PRDM16: variants seen among roughly 807,000 people sequenced by gnomAD.
The protein encoded by PRDM16 is PR/SET domain 16.
Under a neutral mutation model 110.6 loss-of-function variants are expected in PRDM16, and 23 were observed. The ratio of observed to expected loss-of-function variants is 0.21; its 90% CI spans 0.15 to 0.29. The LOEUF (loss-of-function observed/expected upper bound fraction) is 0.29. PRDM16 is among the 10% of genes least tolerant of loss of function. The pLI, the probability that PRDM16 is intolerant of heterozygous loss-of-function variation, is 1.00. For missense variants in PRDM16, 1,615 were observed against 1,794.3 expected (o/e 0.90, Z 1.81); for synonymous variants, 799 against 781.8 (o/e 1.02, Z -0.37).
At chr1:3,363,463 C>T (rs534496917) in intron 3 of PRDM16, among the ~76,000 whole-genome samples, 17 of 152,278 alleles carry the variant, frequency 1.1e-4, no homozygotes, top group African/African-American at 2.9e-4. Context: ...CCGGTGAGCA[C>T]GGGGGAGCTG....
intron 12 of PRDM16, among the ~76,000 whole-genome samples, chr1:3,421,082 C>T (rs375520747): frequency 1.3e-4 from 20 of 152,226 alleles, no homozygotes; most frequent in Admixed American, 3.9e-4. Flanking sequence ...GGGGGCTGCA[C>T]GCGGCCCGTG....
At chr1:3,380,958 C>T (rs181020009) in intron 3 of PRDM16, among the ~76,000 whole-genome samples, 6 of 152,288 alleles carry the variant, frequency 3.9e-5, no homozygotes, top group African/African-American at 9.6e-5. Flanking sequence ...CATCAGTGGC[C>T]GGATCACAGG....
intron 6 of PRDM16, among the ~76,000 whole-genome samples, chr1:3,403,402 A>G (rs969379994): frequency 2.0e-5 from 3 of 152,214 alleles, no homozygotes; most frequent in African/African-American, 7.2e-5. Flanking sequence ...AAGGTCCCAG[A>G]CCGGGATGGG....
chr1:3,211,340 G>A (rs1252702611), intron 2 of PRDM16, among the ~76,000 whole-genome samples: 1 of 152,186 alleles, frequency 6.6e-6, no homozygotes, highest in South Asian at 2.1e-4. Flanking sequence ...AGTCATTTCC[G>A]GGCAGCAGTG....
At chr1:3,372,092 A>G (rs1446010846) in intron 3 of PRDM16, among the ~76,000 whole-genome samples, 1 of 152,220 alleles carries the variant, frequency 6.6e-6, no homozygotes, top group Non-Finnish European at 1.5e-5. Context: ...AGAGGGCCTG[A>G]GGGTGACCAG....
In PRDM16 at chr1:3,382,791, C is replaced by T. The variant is rs927006572; in HGVS notation, c.439-2361C>T. Among the ~76,000 whole-genome samples, 5 of 152,208 alleles carry T rather than the reference C, an allele frequency of 3.3e-5. No homozygotes were observed. In the South Asian group the frequency reaches 8.3e-4, roughly 25 times the overall value. On this transcript the variant is annotated intron_variant, in intron 3 of 16. Transcript: ENST00000270722. This position sits in a 1 kb window ranked among gnomAD's most constrained non-coding sequence, Gnocchi z 6.6. ...CCGGGTCCCAGGTGGGAGGGCACGG[C>T]CCGCCCTGGGTGAGCACCAGCCCTC...
At chr1:3,211,162 T>C (rs1222523543) in intron 2 of PRDM16, among the ~76,000 whole-genome samples, 2 of 152,242 alleles carry the variant, frequency 1.3e-5, no homozygotes, top group African/African-American at 4.8e-5. Context: ...AGACATCTGC[T>C]TGTCTGTCTC....
chr1:3,386,317 C>G (rs1643197834), intron 4 of PRDM16, among the ~76,000 whole-genome samples: 1 of 152,196 alleles, frequency 6.6e-6, no homozygotes, highest in Admixed American at 6.5e-5. Flanking sequence ...GTAGCCTGTG[C>G]AAGCCATTGA....
At chr1:3,279,927 T>TCAGCC in intron 3 of PRDM16, among the ~76,000 whole-genome samples, 1 of 138,684 alleles carries the variant, frequency 7.2e-6, no homozygotes, top group African/African-American at 2.7e-5. Flanking sequence ...CCCCATGACG[T>TCAGCC]CAGCCGAGAA....
Position 3,359,108 on chromosome 1 carries a change from C to T in PRDM16, c.439-26044C>T, listed in dbSNP as rs114860370. On this transcript the variant is annotated intron_variant, in intron 3 of 16. Coordinates refer to ENST00000270722, the MANE Select transcript of PRDM16 (RefSeq NM_022114.4). The surrounding 1 kb of genome is among the most constrained non-coding windows in gnomAD (Gnocchi z 4.3). ...AGGCTGGAGTGCAGTGGCTCCATCA[C>T]GGCACACTGCAGCCTCCACCTCCCG... is the stretch of plus-strand genomic sequence containing the variant. Among the ~76,000 whole-genome samples, 1,713 of 152,308 alleles carry T rather than the reference C, an allele frequency of 0.011. 24 individuals are homozygous for T. The highest frequency in any genetic ancestry group is 0.061 in the South Asian group (296 of 4,822).
At chr1:3,335,500 G>A (rs1642125475) in intron 3 of PRDM16, among the ~76,000 whole-genome samples, 1 of 152,076 alleles carries the variant, frequency 6.6e-6, no homozygotes, top group South Asian at 2.1e-4. Context: ...AGGGAGCAGA[G>A]TTTATTTCTT....
chr1:3,323,895 G>C (rs1641823190), intron 3 of PRDM16, among the ~76,000 whole-genome samples: 1 of 152,216 alleles, frequency 6.6e-6, no homozygotes, highest in Non-Finnish European at 1.5e-5. Context: ...CTCTGCACGG[G>C]CCTCATCTCC....
In PRDM16 at chr1:3,382,529, G is replaced by A. The variant is rs1417308792; in HGVS notation, c.439-2623G>A. Among the ~76,000 whole-genome samples, 1 of 152,204 alleles carries A rather than the reference G, an allele frequency of 6.6e-6. No individual in the cohort carries two copies. Among genetic ancestry groups the A allele is most frequent in the Admixed American group, 6.5e-5 (1 of 15,286 alleles). On this transcript the variant is annotated intron_variant, in intron 3 of 16. Transcript: ENST00000270722. This position sits in a 1 kb window ranked among gnomAD's most constrained non-coding sequence, Gnocchi z 6.6. ...ACCTGCCCTGAGTCCTGAACAGCAGGGTGGCCACAGACTCCCCACCAAAGC... is the reference window on the plus strand; with the variant it reads ...ACCTGCCCTGAGTCCTGAACAGCAGAGTGGCCACAGACTCCCCACCAAAGC...
At chr1:3,314,216 G>C (rs777409155) in intron 3 of PRDM16, among the ~76,000 whole-genome samples, 7 of 152,074 alleles carry the variant, frequency 4.6e-5, no homozygotes, top group Non-Finnish European at 8.8e-5. Flanking sequence ...GGGGAGGACC[G>C]ACCTTTAGGG....
At chr1:3,256,958 T>C (rs895783451) in intron 3 of PRDM16, among the ~76,000 whole-genome samples, 1 of 152,278 alleles carries the variant, frequency 6.6e-6, no homozygotes, top group African/African-American at 2.4e-5. Flanking sequence ...CACACGTGTC[T>C]GAAAAGGCTG....
intron 8 of PRDM16, 60 bp from the exon 9 acceptor site, chr1:3,411,324 T>C: frequency 6.5e-7 from 1 of 1,538,864 alleles, no homozygotes; most frequent in Non-Finnish European, 8.8e-7. Flanking sequence ...ATGTGGCGTT[T>C]TCAGCAGGGT....
intron 3 of PRDM16, among the ~76,000 whole-genome samples, chr1:3,273,482 A>G (rs1640504636): frequency 6.6e-6 from 1 of 151,764 alleles, no homozygotes; most frequent in Admixed American, 6.6e-5. Flanking sequence ...GTGTGTGCAC[A>G]TGCATATATG....
chr1:3,332,835 T>G (rs1201091415), intron 3 of PRDM16, among the ~76,000 whole-genome samples: 5 of 152,096 alleles, frequency 3.3e-5, no homozygotes, highest in Admixed American at 1.3e-4. Flanking sequence ...GTTCGGCCTC[T>G]GGATTTGTCC....
intron 1 of PRDM16, among the ~76,000 whole-genome samples, chr1:3,120,620 G>A (rs1433897143): frequency 1.3e-5 from 2 of 152,114 alleles, no homozygotes; most frequent in East Asian, 3.8e-4. Flanking sequence ...CCCTGTCCCC[G>A]GCAGCCCCCT....
Sources: gnomAD v4.1 joint callset for allele counts (sites outside exome capture counted in the v4.1 genomes callset) on GRCh38, gnomAD v4.1.1 for gene constraint, Gnocchi (gnomAD v3.1) non-coding constraint, MANE v1.5 for transcripts, NCBI Gene and HGNC (gene_info 2026-07-23, HGNC 2026-07-21) for gene names.